The following SLCO6A1 variants were observed in gnomAD, a reference collection of about 807,000 sequenced individuals.
SLCO6A1 encodes the protein solute carrier organic anion transporter family member 6A1, also known as cancer/testis antigen 48.
SLCO6A1 carries 65 observed loss-of-function variants against 72.7 expected under a neutral mutation model. The observed-to-expected ratio is 0.89, with a 90% CI of 0.73 to 1.10. The LOEUF is 1.10. SLCO6A1 is among the 50% of genes least tolerant of loss of function. The pLI, the probability that SLCO6A1 is intolerant of heterozygous loss-of-function variation, is 0.00. For missense variants in SLCO6A1, 874 were observed against 872.6 expected, an observed-to-expected ratio of 1.00 and a Z score of -0.02; for synonymous variants, 314 against 298.2, an observed-to-expected ratio of 1.05 and a Z score of -0.55.
Position 102,497,130 on chromosome 5 carries a change from G to A in SLCO6A1, c.358+1357C>T, listed in dbSNP as rs192691791. Among the ~76,000 whole-genome samples the A allele has an allele frequency of 2.0e-4, 30 of 152,264 alleles. No individual in the cohort carries two copies. The East Asian group carries it at 2.3e-3, about 12-fold the overall frequency. On this transcript the variant is annotated intron_variant, in intron 1 of 13. Coordinates refer to ENST00000506729, the MANE Select transcript of SLCO6A1 (RefSeq NM_173488.5). ...CAAATTCCAATGCCATCATTGAAAA[G>A]AGGCTAGTAAAGAATCTTGATGTAA...
intron 7 of SLCO6A1, among the ~76,000 whole-genome samples, chr5:102,421,398 A>G (rs1748597027): frequency 6.6e-6 from 1 of 152,202 alleles, no homozygotes; most frequent in Non-Finnish European, 1.5e-5. Flanking sequence ...CCAACACAGC[A>G]GTCTGAAGTC....
chr5:102,392,944 A>C (rs1057178624), intron 10 of SLCO6A1, among the ~76,000 whole-genome samples: 22 of 152,180 alleles, frequency 1.4e-4, no homozygotes, highest in Admixed American at 1.2e-3. Flanking sequence ...AAAATAAAAA[A>C]ACATGGAACA....
chr5:102,387,470 G>A (rs1202497007), intron 12 of SLCO6A1, among the ~76,000 whole-genome samples: 1 of 152,128 alleles, frequency 6.6e-6, no homozygotes, highest in Non-Finnish European at 1.5e-5. Context: ...TCTCAGCAAA[G>A]TTTTAAGACT....
intron 4 of SLCO6A1, among the ~76,000 whole-genome samples, chr5:102,463,742 C>T (rs1306809340): frequency 1.3e-5 from 2 of 152,004 alleles, no homozygotes; most frequent in Admixed American, 6.6e-5. Flanking sequence ...CAAAATTAGC[C>T]GGGCGTGATG....
intron 6 of SLCO6A1, among the ~76,000 whole-genome samples, chr5:102,445,474 G>C (rs1750059166): frequency 6.6e-6 from 1 of 152,222 alleles, no homozygotes; most frequent in East Asian, 1.9e-4. Flanking sequence ...GTTATTTATC[G>C]ACCTTTGTCA....
At chr5:102,428,302 G>C (rs565830114) in intron 7 of SLCO6A1, among the ~76,000 whole-genome samples, 2 of 151,878 alleles carry the variant, frequency 1.3e-5, no homozygotes, top group East Asian at 3.9e-4. Flanking sequence ...AACAATACAA[G>C]TAATACCAGA....
At chr5:102,438,813 G>GT in intron 6 of SLCO6A1, 52 bp from the exon 7 acceptor site, 1 of 1,298,404 alleles carries the variant, frequency 7.7e-7, no homozygotes. Context: ...TAGATAAAGA[G>GT]GAATAGACAG....
chr5:102,385,035 A>G (rs1746330998), intron 12 of SLCO6A1, among the ~76,000 whole-genome samples: 1 of 151,940 alleles, frequency 6.6e-6, no homozygotes, highest in South Asian at 2.1e-4. Context: ...CTCAGCTTTT[A>G]TTGTTCTGGA....
intron 11 of SLCO6A1, among the ~76,000 whole-genome samples, chr5:102,389,770 T>A (rs1018808408): frequency 6.6e-6 from 1 of 152,178 alleles, no homozygotes; most frequent in African/African-American, 2.4e-5. Context: ...CTATTTGTAC[T>A]ACAAACCCTA....
intron 5 of SLCO6A1, 55 bp from the exon 6 acceptor site, chr5:102,458,546 A>G (rs1750863239): frequency 1.6e-6 from 2 of 1,239,482 alleles, no homozygotes; most frequent in Non-Finnish European, 2.3e-6. Flanking sequence ...TAAAACCCAT[A>G]CATAAAACCT....
intron 9 of SLCO6A1, among the ~76,000 whole-genome samples, chr5:102,409,452 T>C (rs951899709): frequency 1.3e-5 from 2 of 151,966 alleles, no homozygotes; most frequent in African/African-American, 4.8e-5. Flanking sequence ...ATTTTTTGTA[T>C]AGTGTATCTT....
chr5:102,480,490 T>A (rs1580508365), intron 1 of SLCO6A1, 56 bp from the exon 2 acceptor site: 1 of 1,513,580 alleles, frequency 6.6e-7, no homozygotes, highest in Non-Finnish European at 8.9e-7. Context: ...GAGGTCATTA[T>A]GATTATTACA....
chr5:102,498,387 T>G (rs1753004139), intron 1 of SLCO6A1, 100 bp downstream of exon 1: 17 of 1,188,188 alleles, frequency 1.4e-5, no homozygotes, highest in Admixed American at 8.9e-5. Context: ...CAGGGCATGC[T>G]GGGCCACCCC....
rs1160649494 is a variant in SLCO6A1 at position 102,477,736 on chromosome 5, T to C, written c.742A>G (p.Ile248Val). The change falls in exon 3 of 14, where the codon ATC (isoleucine) becomes GTC (valine). Residue 248 changes from isoleucine to valine, a missense_variant. By Grantham distance (29) the Ile-to-Val change is conservative. Transcript: ENST00000506729. Reference protein sequence around the residue: ...VQGIAGMPLYILGITFIDENV... With the variant: ...VQGIAGMPLYVLGITFIDENV... ...TCATCAATAAAGGTTATTCCAAGGA[T>C]ATAAAGAGGCATTCCTGCTATTCCC... 1 of 1,613,720 alleles carries C rather than the reference T, an allele frequency of 6.2e-7. No homozygotes were observed. The highest frequency in any genetic ancestry group is 1.7e-5 in the Admixed American group (1 of 59,946).
intron 7 of SLCO6A1, among the ~76,000 whole-genome samples, chr5:102,421,198 G>A (rs530305057): frequency 2.0e-5 from 3 of 152,092 alleles, no homozygotes; most frequent in Non-Finnish European, 4.4e-5. Flanking sequence ...CTGCCAGTTG[G>A]GCAGACAATG....
chr5:102,473,106 G>T (rs1751713050), intron 4 of SLCO6A1, among the ~76,000 whole-genome samples: 1 of 151,822 alleles, frequency 6.6e-6, no homozygotes, highest in East Asian at 1.9e-4. Context: ...TGAAGAGGAG[G>T]GAATACTTCA....
At chr5:102,444,993 T>C (rs1750031958) in intron 6 of SLCO6A1, among the ~76,000 whole-genome samples, 1 of 152,206 alleles carries the variant, frequency 6.6e-6, no homozygotes, top group Admixed American at 6.5e-5. Flanking sequence ...CTAGGTGGAT[T>C]CCATGTATTT....
intron 6 of SLCO6A1, among the ~76,000 whole-genome samples, chr5:102,447,933 C>T (rs529933667): frequency 6.6e-6 from 1 of 151,984 alleles, no homozygotes; most frequent in African/African-American, 2.4e-5. Context: ...TTGGTTTGCT[C>T]TTGTTTTTAG....
intron 4 of SLCO6A1, among the ~76,000 whole-genome samples, chr5:102,471,147 G>A (rs1234763195): frequency 6.6e-6 from 1 of 151,922 alleles, no homozygotes; most frequent in Admixed American, 6.6e-5. Context: ...AGAGACAGAG[G>A]CTCACTGACA....
Sources: allele counts gnomAD v4.1 joint callset (sites outside exome capture counted in the v4.1 genomes callset), GRCh38; gene constraint gnomAD v4.1.1; transcripts MANE v1.5; gene names NCBI Gene and HGNC (gene_info 2026-07-23, HGNC 2026-07-21).